The following CD44 variants were observed in gnomAD, a reference collection of about 807,000 sequenced individuals.
CD44 encodes CD44 antigen.
A neutral mutation model predicts 88.8 loss-of-function variants in CD44; 49 were observed. The ratio of observed to expected loss-of-function variants is 0.55; its 90% confidence interval spans 0.44 to 0.70. CD44 has a LOEUF of 0.70. Among genes scored for constraint, CD44 ranks in the 30% least tolerant of loss-of-function variants. The pLI, the probability that CD44 is intolerant of heterozygous loss-of-function variation, is 0.00. For missense variants in CD44, 883 were observed against 913.8 expected, an observed-to-expected ratio of 0.97 and a Z score of 0.43; for synonymous variants, 325 against 312.3, an observed-to-expected ratio of 1.04 and a Z score of -0.43.
intron 3 of CD44, 21 bp from the exon 4 acceptor site, chr11:35,186,810 TC>T (rs1363737925): frequency 1.3e-6 from 2 of 1,487,286 alleles, no homozygotes; most frequent in East Asian, 4.5e-5. Context: ...AGGGTTCTCA[TC>T]CTTTTTTTCC....
In CD44 at chr11:35,211,252, A is replaced by G. The variant is rs1168445584; in HGVS notation, c.1613A>G (p.Asn538Ser). Residue 538 changes from asparagine to serine, a missense_variant, in exon 14 of 18, where the codon AAT (asparagine) becomes AGT (serine). Asn to Ser is a conservative substitution (Grantham distance 46). Transcript: ENST00000428726. ...TGATTCCACCTCCACACAGATAGGA[A>G]TGATGTCACAGGTGGAAGAAGAGAC... ...TTSTLTSSNR[N>S]DVTGGRRDPN... The G allele has an allele frequency of 1.2e-6, 2 of 1,613,312 alleles. No individual in the cohort carries two copies. Among genetic ancestry groups the G allele is most frequent in the Non-Finnish European group, 1.7e-6 (2 of 1,179,284 alleles).
intron 1 of CD44, among the ~76,000 whole-genome samples, chr11:35,152,013 G>T (rs747226461): frequency 6.6e-6 from 1 of 152,216 alleles, no homozygotes; most frequent in African/African-American, 2.4e-5. Context: ...TGCCTCACCC[G>T]TGGTGGCGAC....
intron 10 of CD44, chr11:35,204,959 G>A: frequency 3.9e-6 from 1 of 254,442 alleles, no homozygotes; most frequent in Non-Finnish European, 7.7e-6. Context: ...ATCGCTGTCT[G>A]TTGTATAAAG....
At chr11:35,225,413 C>T (rs773107275) in intron 17 of CD44, among the ~76,000 whole-genome samples, 1 of 152,150 alleles carries the variant, frequency 6.6e-6, no homozygotes, top group Non-Finnish European at 1.5e-5. Context: ...AGTCTGCCTC[C>T]TTCCACACTG....
intron 16 of CD44, among the ~76,000 whole-genome samples, chr11:35,219,984 G>T (rs1949155191): frequency 1.3e-5 from 2 of 152,188 alleles, no homozygotes; most frequent in South Asian, 2.1e-4. Context: ...CAAGGCATTT[G>T]TTGCAAATTC....
chr11:35,217,341 C>T (rs1591316381), intron 15 of CD44, among the ~76,000 whole-genome samples: 1 of 140,514 alleles, frequency 7.1e-6, no homozygotes, highest in South Asian at 2.2e-4. Flanking sequence ...TCAAAGGCTT[C>T]TATGAGTCAG....
chr11:35,167,091 C>G (rs533975010), intron 1 of CD44, among the ~76,000 whole-genome samples: 26 of 152,328 alleles, frequency 1.7e-4, no homozygotes, highest in African/African-American at 4.6e-4. Context: ...GCTTTGAAGC[C>G]TTCGAACAAA....
chr11:35,188,117 T>G (rs1945877673), intron 4 of CD44, among the ~76,000 whole-genome samples: 1 of 152,214 alleles, frequency 6.6e-6, no homozygotes, highest in African/African-American at 2.4e-5. Context: ...AGTACAGTGT[T>G]GAGAGGTCTG....
At chr11:35,163,420 A>G (rs917174648) in intron 1 of CD44, among the ~76,000 whole-genome samples, 4 of 152,132 alleles carry the variant, frequency 2.6e-5, no homozygotes, top group Non-Finnish European at 5.9e-5. Context: ...CACCCTGTGA[A>G]TCATAGTGGT....
rs114673791 is a variant in CD44 at position 35,154,107 on chromosome 11, A to G, written c.67+14737A>G. Among the ~76,000 whole-genome samples, 924 of 152,360 alleles carry G rather than the reference A, an allele frequency of 6.1e-3. 6 individuals carry two copies. Among genetic ancestry groups the G allele is most frequent in the African/African-American group, 0.021 (882 of 41,584 alleles). On this transcript the variant is annotated intron_variant, in intron 1 of 17. Coordinates refer to ENST00000428726, the MANE Select transcript of CD44 (RefSeq NM_000610.4). The stretch of plus-strand genomic sequence containing the variant: ...AGAAGCAAAAAGTGTCATATGGTAT[A>G]GAAGTTATTTTAAGCTACTGGGGAA...
At chr11:35,190,096 T>G in intron 5 of CD44, 31 bp downstream of exon 5, 1 of 1,573,602 alleles carries the variant, frequency 6.4e-7, no homozygotes, top group Non-Finnish European at 8.7e-7. Flanking sequence ...TGCTTCCCAA[T>G]AGCAATTCCC....
intron 13 of CD44, 97 bp from the exon 14 acceptor site, chr11:35,211,149 G>A (rs1948352400): frequency 1.1e-6 from 1 of 873,912 alleles, no homozygotes; most frequent in African/African-American, 1.7e-5. Context: ...GATAACAAGT[G>A]GAAAGCTTTT....
chr11:35,157,416 ATCTC>A (rs1212607988), intron 1 of CD44, among the ~76,000 whole-genome samples: 4 of 151,448 alleles, frequency 2.6e-5, no homozygotes, highest in Non-Finnish European at 5.9e-5. Context: ...TCATATATCT[ATCTC>A]TATCTATTAA....
intron 1 of CD44, among the ~76,000 whole-genome samples, chr11:35,150,077 A>G (rs1178327527): frequency 1.3e-5 from 2 of 149,480 alleles, no homozygotes; most frequent in Admixed American, 1.3e-4. Flanking sequence ...CTTTAAAAAC[A>G]TTGCTTCACA....
intron 8 of CD44, 89 bp from the exon 9 acceptor site, chr11:35,201,582 G>T (rs758804006): frequency 5.4e-5 from 82 of 1,523,312 alleles, no homozygotes; most frequent in Non-Finnish European, 6.7e-5. Flanking sequence ...GCATAGAATT[G>T]TTAAATAGCA....
chr11:35,160,945 A>C (rs1049971036), intron 1 of CD44, among the ~76,000 whole-genome samples: 3 of 152,130 alleles, frequency 2.0e-5, no homozygotes, highest in Admixed American at 1.3e-4. Context: ...TCTCCAATCT[A>C]TCCTCTCTAT....
chr11:35,231,844 A>AT lies in CD44; in HGVS notation c.*2516dup, dbSNP rs1565179595. 1 of 152,186 alleles carries AT rather than the reference A, an allele frequency of 6.6e-6. No homozygotes were observed. The highest frequency in any genetic ancestry group is 1.9e-4 in the East Asian group (1 of 5,200). 9.4% of individuals were successfully genotyped at this position (152,186 alleles called of 1,614,324 possible). On this transcript the variant is annotated 3_prime_UTR_variant, in exon 18 of 18. Coordinates refer to ENST00000428726, the MANE Select transcript of CD44 (RefSeq NM_000610.4). ...AAGCAACCTAAGAGCTAAAGATGTAATTTTTCTTGCAATTGTAAATCTTTT... is the reference window on the plus strand; with the variant it reads ...AAGCAACCTAAGAGCTAAAGATGTAATTTTTTCTTGCAATTGTAAATCTTTT...
At chr11:35,142,760 C>T (rs1858252517) in intron 1 of CD44, among the ~76,000 whole-genome samples, 2 of 152,114 alleles carry the variant, frequency 1.3e-5, no homozygotes, top group African/African-American at 4.8e-5. Context: ...TTTGTTTTTT[C>T]CCAAATTTCC....
intron 3 of CD44, among the ~76,000 whole-genome samples, chr11:35,183,555 C>T (rs930849300): frequency 6.6e-6 from 1 of 152,148 alleles, no homozygotes; most frequent in African/African-American, 2.4e-5. Flanking sequence ...TGTGATCCCC[C>T]CCATAAAACG....
Sources: allele counts gnomAD v4.1 joint callset (sites outside exome capture counted in the v4.1 genomes callset), GRCh38; gene constraint gnomAD v4.1.1; transcripts MANE v1.5; gene names NCBI Gene and HGNC (gene_info 2026-07-23, HGNC 2026-07-21).